Variants in NCAM1 observed in about 807,000 individuals in gnomAD.
NCAM1 encodes the protein neural cell adhesion molecule 1, also known as antigen recognized by monoclonal antibody 5.1H11.
Under a neutral mutation model 109.8 loss-of-function variants are expected in NCAM1, and 14 were observed. The observed-to-expected ratio is 0.13, with a 90% confidence interval of 0.08 to 0.20. The LOEUF (loss-of-function observed/expected upper bound fraction) is 0.20, where lower values mean the gene tolerates loss of function less well. Among genes scored for constraint, NCAM1 ranks in the 10% least tolerant of loss-of-function variants. NCAM1 has a pLI of 1.00. For synonymous variants in NCAM1, 418 were observed against 442.9 expected (o/e 0.94, Z 0.70); for missense variants, 774 against 1,109.9 (o/e 0.70, Z 4.30).
At chr11:113,192,691 G>A (rs968306411) in intron 1 of NCAM1, among the ~76,000 whole-genome samples, 3 of 152,150 alleles carry the variant, frequency 2.0e-5, no homozygotes, top group African/African-American at 7.2e-5. Flanking sequence ...AAGAAAATGA[G>A]ACACAGAAGC....
At chr11:113,059,885 A>G (rs1252529095) in intron 1 of NCAM1, among the ~76,000 whole-genome samples, 4 of 152,192 alleles carry the variant, frequency 2.6e-5, no homozygotes, top group Non-Finnish European at 4.4e-5. Flanking sequence ...GCACAACAGC[A>G]AGTGTTTAAT....
intron 1 of NCAM1, among the ~76,000 whole-genome samples, chr11:113,047,171 AT>A (rs570760665): frequency 6.6e-6 from 1 of 152,170 alleles, no homozygotes; most frequent in African/African-American, 2.4e-5. Context: ...ATTGTGCCAC[AT>A]TTTTTTCTGA....
At chr11:113,054,027 G>A (rs971825081) in intron 1 of NCAM1, among the ~76,000 whole-genome samples, 5 of 152,160 alleles carry the variant, frequency 3.3e-5, no homozygotes, top group Non-Finnish European at 7.3e-5. Context: ...CAGGTTGGTG[G>A]CCCAGCTCTC....
intron 1 of NCAM1, among the ~76,000 whole-genome samples, chr11:113,086,481 T>G (rs1555088339): frequency 6.6e-6 from 1 of 152,220 alleles, no homozygotes; most frequent in Non-Finnish European, 1.5e-5. Context: ...AATCTGATAT[T>G]GAAGATTAAA....
intron 1 of NCAM1, among the ~76,000 whole-genome samples, chr11:113,004,678 T>G (rs1445390188): frequency 6.6e-6 from 1 of 152,162 alleles, no homozygotes; most frequent in Non-Finnish European, 1.5e-5. Flanking sequence ...AGTATCTTTT[T>G]TCTATCCTTA....
At position 113,185,079 on chromosome 11, in the gene NCAM1, T is replaced by TATATATATAGAGAG; in HGVS notation, c.53-17299_53-17298insTATATATAGAGAGA. On this transcript the variant is annotated intron_variant, in intron 1 of 19. Coordinates refer to ENST00000316851, the MANE Select transcript of NCAM1 (RefSeq NM_181351.5). Reference sequence around the variant, plus strand: ...GTGTGCATTTATATTTATATATATATAGAGAGAGAGAGAGAGAGAGAGAGA... The same window carrying TATATATATAGAGAG: ...GTGTGCATTTATATTTATATATATATATATATATAGAGAGAGAGAGAGAGAGAGAGAGAGAGAGA... Among the ~76,000 whole-genome samples, 20 of 125,744 alleles carry TATATATATAGAGAG rather than the reference T, an allele frequency of 1.6e-4. No individual in the cohort carries two copies. In the East Asian group the frequency reaches 1.7e-3, roughly 11 times the overall value. The allele number at this position is 125,744 out of a possible 152,430, so 82.5% of individuals were successfully genotyped here. A position where few individuals can be genotyped will look rare whatever the true frequency, so the allele number is the denominator to read the frequency against.
chr11:113,027,625 C>A (rs1182822207), intron 1 of NCAM1, among the ~76,000 whole-genome samples: 6 of 152,160 alleles, frequency 3.9e-5, no homozygotes, highest in Non-Finnish European at 8.8e-5. Flanking sequence ...CTTCTTTCGG[C>A]ATTTAATAAT....
intron 1 of NCAM1, among the ~76,000 whole-genome samples, chr11:113,021,751 G>A (rs1383437384): frequency 1.3e-5 from 2 of 152,200 alleles, no homozygotes; most frequent in East Asian, 3.8e-4. Context: ...CATGATTATA[G>A]TATTACAAGA....
chr11:112,967,979 C>T (rs781968950), intron 1 of NCAM1, among the ~76,000 whole-genome samples: 1 of 152,172 alleles, frequency 6.6e-6, no homozygotes, highest in Non-Finnish European at 1.5e-5. Context: ...GAACACATTG[C>T]CAAGTCCCAG....
rs1396717476 is a variant in NCAM1 at position 113,278,217 on chromosome 11, C to T, written c.*2830C>T. On this transcript the variant is annotated 3_prime_UTR_variant, in exon 20 of 20. Transcript: ENST00000316851. ...GTCCCAGGTTTTCACTTGAGGCTGT[C>T]TGTCTGGATGGCGGTTTTCAGACCT... 6.6e-6 allele frequency: 1 copy of T among 152,114 alleles called. No individual in the cohort carries two copies. Among genetic ancestry groups the T allele is most frequent in the Non-Finnish European group, 1.5e-5 (1 of 68,028 alleles). 9.4% of individuals were successfully genotyped at this position (152,114 alleles called of 1,614,324 possible). A position where few individuals can be genotyped will look rare whatever the true frequency, so the allele number is the denominator to read the frequency against.
chr11:113,225,987 C>T (rs1416689015), intron 9 of NCAM1, among the ~76,000 whole-genome samples: 3 of 152,118 alleles, frequency 2.0e-5, no homozygotes, highest in Non-Finnish European at 4.4e-5. Context: ...CATGCCAAAT[C>T]GTAAAGACCA....
At position 112,961,593 on chromosome 11, in the gene NCAM1, C is replaced by T. The variant is rs782816995; in HGVS notation, c.-20C>T. The stretch of plus-strand genomic sequence containing the variant: ...AGAATTTACCGCGGCAAGAACATCC[C>T]TCCCAGCCAGCAGATTACAATGCTG... On this transcript the variant is annotated 5_prime_UTR_variant, in exon 1 of 20. Transcript: ENST00000316851. 6.2e-6 allele frequency: 9 copies of T among 1,461,624 alleles called. No individual in the cohort carries two copies. The Admixed American group carries it at 6.7e-5, about 11-fold the overall frequency. 90.5% of individuals were successfully genotyped at this position (1,461,624 alleles called of 1,614,324 possible).
rs1946334128 is a variant in NCAM1, at chr11:113,273,478, A to G, written c.2456+1602A>G. ...AAAGGCCCGGACCCGGAGCCCACCC[A>G]GCCCGGAGCCGCGAAGAGCCCGGCC... On this transcript the variant is annotated intron_variant, in intron 19 of 19. Coordinates refer to ENST00000316851, the MANE Select transcript of NCAM1 (RefSeq NM_181351.5). This position sits in a 1 kb window ranked among gnomAD's most constrained non-coding sequence, Gnocchi z 6.0. The G allele has an allele frequency of 3.0e-6, 1 of 333,538 alleles. No homozygotes were observed. The highest frequency in any genetic ancestry group is 2.2e-5 in the South Asian group (1 of 44,788). 20.7% of individuals were successfully genotyped at this position (333,538 alleles called of 1,614,324 possible). A position where few individuals can be genotyped will look rare whatever the true frequency, so the allele number is the denominator to read the frequency against.
At chr11:113,218,778 C>A (rs1182863555) in intron 8 of NCAM1, among the ~76,000 whole-genome samples, 1 of 152,136 alleles carries the variant, frequency 6.6e-6, no homozygotes, top group Non-Finnish European at 1.5e-5. Flanking sequence ...GGTAGATCAG[C>A]TGTCCAAAAG....
intron 1 of NCAM1, among the ~76,000 whole-genome samples, chr11:113,158,623 C>G (rs1942498100): frequency 6.6e-6 from 1 of 152,190 alleles, no homozygotes; most frequent in Non-Finnish European, 1.5e-5. Flanking sequence ...GTCCTGGTTG[C>G]TTTTTAAAAC....
rs185681645 is a variant in NCAM1 at position 113,278,181 on chromosome 11, G to A, written c.*2794G>A. ...AACTCTATTTTCACACTTTTCTATGGAGCCTTCCGAGTCCCAGGTTTTCAC... is the reference window on the plus strand; with the variant it reads ...AACTCTATTTTCACACTTTTCTATGAAGCCTTCCGAGTCCCAGGTTTTCAC... On this transcript the variant is annotated 3_prime_UTR_variant, in exon 20 of 20. Transcript: ENST00000316851. The A allele has an allele frequency of 6.6e-6, 1 of 152,296 alleles. No individual in the cohort carries two copies. Among genetic ancestry groups the A allele is most frequent in the Admixed American group, 6.5e-5 (1 of 15,306 alleles). The allele number at this position is 152,296 out of a possible 1,614,324, so 9.4% of individuals were successfully genotyped here.
intron 17 of NCAM1, among the ~76,000 whole-genome samples, chr11:113,262,363 A>C (rs1946032859): frequency 6.6e-6 from 1 of 152,244 alleles, no homozygotes; most frequent in Admixed American, 6.5e-5. Context: ...CACGCTAGAC[A>C]CTAGAAGACA....
intron 15 of NCAM1, among the ~76,000 whole-genome samples, chr11:113,255,481 A>G (rs1366536327): frequency 1.3e-5 from 2 of 152,018 alleles, no homozygotes; most frequent in African/African-American, 4.8e-5. Context: ...TTCCTACTCA[A>G]ACACTTCTAT....
intron 9 of NCAM1, among the ~76,000 whole-genome samples, chr11:113,222,706 G>C (rs1555115529): frequency 6.6e-6 from 1 of 152,194 alleles, no homozygotes; most frequent in Admixed American, 6.5e-5. Flanking sequence ...TTCTCATTTA[G>C]AGCTGGTTGA....
Sources: allele counts gnomAD v4.1 joint callset (sites outside exome capture counted in the v4.1 genomes callset), GRCh38; gene constraint gnomAD v4.1.1; non-coding constraint Gnocchi (gnomAD v3.1); transcripts MANE v1.5; gene names NCBI Gene and HGNC (gene_info 2026-07-23, HGNC 2026-07-21).